The following SLC22A15 variants were observed in gnomAD, a reference collection of about 807,000 sequenced individuals.
SLC22A15 encodes the protein solute carrier family 22 member 15.
A neutral mutation model predicts 62.7 loss-of-function variants in SLC22A15; 45 were observed. That is an observed-to-expected ratio of 0.72 (90% CI 0.56 to 0.92). The LOEUF is 0.92. Among genes scored for constraint, SLC22A15 ranks in the 40% least tolerant of loss-of-function variants. SLC22A15 has a pLI of 0.00. For missense variants in SLC22A15, 622 were observed against 665.6 expected, an observed-to-expected ratio of 0.93 and a Z score of 0.72; for synonymous variants, 264 against 267.0, an observed-to-expected ratio of 0.99 and a Z score of 0.11.
chr1:116,044,995 A>C (rs1657889877), intron 8 of SLC22A15, among the ~76,000 whole-genome samples: 1 of 152,166 alleles, frequency 6.6e-6, no homozygotes, highest in South Asian at 2.1e-4. Context: ...ATATCAGTAA[A>C]ATTTCCATCA....
At chr1:116,039,731 A>G (rs1203932617) in intron 8 of SLC22A15, among the ~76,000 whole-genome samples, 4 of 152,102 alleles carry the variant, frequency 2.6e-5, no homozygotes, top group Non-Finnish European at 5.9e-5. Flanking sequence ...AATCCTTTCT[A>G]TGCTTGCAAA....
chr1:116,030,516 T>G (rs530679026), intron 5 of SLC22A15, among the ~76,000 whole-genome samples: 1 of 152,332 alleles, frequency 6.6e-6, no homozygotes, highest in Admixed American at 6.5e-5. Flanking sequence ...TGGTTTTGTC[T>G]TTGGAAAGTC....
At chr1:115,983,820 G>GCA (rs1344081945) in intron 1 of SLC22A15, among the ~76,000 whole-genome samples, 3 of 152,196 alleles carry the variant, frequency 2.0e-5, no homozygotes, top group African/African-American at 7.2e-5. Context: ...AGGTGGACCA[G>GCA]CACATAAGTG....
chr1:116,011,128 C>A (rs1656231573), intron 2 of SLC22A15, among the ~76,000 whole-genome samples: 1 of 152,196 alleles, frequency 6.6e-6, no homozygotes, highest in Non-Finnish European at 1.5e-5. Context: ...CAGCAGCCAG[C>A]TGAGGGGCTA....
intron 8 of SLC22A15, among the ~76,000 whole-genome samples, chr1:116,048,764 G>T (rs1002782901): frequency 6.6e-6 from 1 of 152,156 alleles, no homozygotes; most frequent in Admixed American, 6.6e-5. Context: ...TACTAACATT[G>T]AATGTAAATG....
chr1:115,982,039 T>C (rs954172915), intron 1 of SLC22A15, among the ~76,000 whole-genome samples: 8 of 152,220 alleles, frequency 5.3e-5, no homozygotes, highest in African/African-American at 1.7e-4. Context: ...AAGTTTAGGA[T>C]TTCTCAGAGT....
chr1:115,978,521 G>A (rs971600171), intron 1 of SLC22A15, among the ~76,000 whole-genome samples: 1 of 152,138 alleles, frequency 6.6e-6, no homozygotes, highest in Non-Finnish European at 1.5e-5. Context: ...TATAGATGTG[G>A]GTGGGAAGAT....
At chr1:116,002,012 G>C (rs1388347754) in intron 2 of SLC22A15, among the ~76,000 whole-genome samples, 3 of 152,148 alleles carry the variant, frequency 2.0e-5, no homozygotes, top group Non-Finnish European at 4.4e-5. Flanking sequence ...CTAATTGAGT[G>C]TTATGATCTA....
intron 2 of SLC22A15, among the ~76,000 whole-genome samples, chr1:115,997,369 T>C (rs1289752693): frequency 6.6e-6 from 1 of 152,152 alleles, no homozygotes; most frequent in Middle Eastern, 3.2e-3. Context: ...GAGATAGCAT[T>C]GAATCTGTAG....
At chr1:116,060,285 C>A (rs763975009) in intron 8 of SLC22A15, among the ~76,000 whole-genome samples, 11 of 152,194 alleles carry the variant, frequency 7.2e-5, no homozygotes, top group Admixed American at 6.5e-4. Context: ...ACTGCAGACC[C>A]CATTGGCAGG....
chr1:116,007,955 G>A (rs1352922907), intron 2 of SLC22A15, among the ~76,000 whole-genome samples: 1 of 152,162 alleles, frequency 6.6e-6, no homozygotes, highest in African/African-American at 2.4e-5. Context: ...CAGGGCCTCA[G>A]CACCTCTGCC....
chr1:115,990,645 C>G lies in SLC22A15; in HGVS notation c.88-1386C>G, dbSNP rs1455610230. On this transcript the variant is annotated intron_variant, in intron 1 of 11. Coordinates refer to ENST00000369503, the MANE Select transcript of SLC22A15 (RefSeq NM_018420.3). ...ATAATAAATCACCCAGCATCCTGAC[C>G]CATGGCAGCTTTGTACCTCTCCAGA... 2.0e-5 allele frequency among the ~76,000 whole-genome samples: 3 copies of G among 152,204 alleles called. No homozygotes were observed. The South Asian group carries it at 6.2e-4, about 32-fold the overall frequency.
intron 8 of SLC22A15, among the ~76,000 whole-genome samples, chr1:116,062,321 C>G (rs551155844): frequency 1.5e-4 from 23 of 152,314 alleles, no homozygotes; most frequent in African/African-American, 5.3e-4. Context: ...CATATAAGAG[C>G]TTTTCTGGAG....
chr1:116,028,387 G>A (rs892692801), intron 5 of SLC22A15, among the ~76,000 whole-genome samples: 2 of 151,950 alleles, frequency 1.3e-5, no homozygotes, highest in African/African-American at 4.8e-5. Context: ...AAACATTTAT[G>A]TAAATATTGA....
At chr1:116,032,085 A>C (rs1657433566) in intron 6 of SLC22A15, 1 of 985,328 alleles carries the variant, frequency 1.0e-6, no homozygotes, top group Non-Finnish European at 1.2e-6. Flanking sequence ...CCTTGTACAG[A>C]TGGGACCCCA....
At chr1:116,000,273 T>G (rs1655655304) in intron 2 of SLC22A15, among the ~76,000 whole-genome samples, 1 of 152,210 alleles carries the variant, frequency 6.6e-6, no homozygotes, top group African/African-American at 2.4e-5. Context: ...TTTTGTTATT[T>G]TATGTTACCA....
chr1:116,051,936 A>C (rs1462956927), intron 8 of SLC22A15, among the ~76,000 whole-genome samples: 1 of 152,260 alleles, frequency 6.6e-6, no homozygotes, highest in Non-Finnish European at 1.5e-5. Context: ...AAGATGGCCG[A>C]ATAGGAACAG....
intron 7 of SLC22A15, 29 bp from the exon 8 acceptor site, chr1:116,037,274 G>T: frequency 1.3e-6 from 2 of 1,573,050 alleles, no homozygotes; most frequent in Non-Finnish European, 1.7e-6. Flanking sequence ...GTTCTTAAGA[G>T]AACTGTGTAA....
intron 10 of SLC22A15, among the ~76,000 whole-genome samples, chr1:116,066,113 T>C (rs144147512): frequency 2.6e-4 from 39 of 152,310 alleles, no homozygotes; most frequent in African/African-American, 8.9e-4. Flanking sequence ...TTAAAGTTCA[T>C]CATCAGCAAG....
Sources: allele counts gnomAD v4.1 joint callset (sites outside exome capture counted in the v4.1 genomes callset), GRCh38; gene constraint gnomAD v4.1.1; transcripts MANE v1.5; gene names NCBI Gene and HGNC (gene_info 2026-07-23, HGNC 2026-07-21).